Variants in CTTNBP2 observed in about 807,000 individuals in gnomAD.
CTTNBP2 encodes cortactin binding protein 2.
CTTNBP2 carries 108 observed loss-of-function variants against 156.9 expected under a neutral mutation model. The observed-to-expected ratio is 0.69, with a 90% CI of 0.59 to 0.81. The LOEUF is 0.81. Ranked by LOEUF, CTTNBP2 falls within the 30% of genes least tolerant of loss-of-function variation. CTTNBP2 has a pLI of 0.00. For synonymous variants in CTTNBP2, 767 were observed against 751.8 expected (o/e 1.02, Z -0.33); for missense variants, 1,924 against 2,035.4 (o/e 0.95, Z 1.05).
chr7:117,733,922 A>G (rs1795541158), intron 16 of CTTNBP2, among the ~76,000 whole-genome samples: 1 of 152,224 alleles, frequency 6.6e-6, no homozygotes, highest in Non-Finnish European at 1.5e-5. Flanking sequence ...AGTTTTAGTT[A>G]ATGAAACATT....
intron 3 of CTTNBP2, among the ~76,000 whole-genome samples, chr7:117,807,378 A>G (rs1206364867): frequency 6.6e-6 from 1 of 152,248 alleles, no homozygotes; most frequent in Non-Finnish European, 1.5e-5. Context: ...TATATAATGA[A>G]GTAGAGAACA....
chr7:117,739,884 C>T (rs890333607), intron 14 of CTTNBP2, among the ~76,000 whole-genome samples: 3 of 152,176 alleles, frequency 2.0e-5, no homozygotes, highest in African/African-American at 7.2e-5. Flanking sequence ...AACAGCAACC[C>T]TATCCTCATT....
intron 22 of CTTNBP2, among the ~76,000 whole-genome samples, chr7:117,715,579 CATTT>C (rs1794307334): frequency 1.3e-5 from 2 of 150,224 alleles, no homozygotes; most frequent in African/African-American, 4.9e-5. Context: ...AAAAGGAAAA[CATTT>C]ATTAACATTT....
intron 12 of CTTNBP2, among the ~76,000 whole-genome samples, chr7:117,747,187 C>T (rs1481105887): frequency 6.6e-6 from 1 of 152,190 alleles, no homozygotes; most frequent in Non-Finnish European, 1.5e-5. Context: ...GCCACCCAGA[C>T]TTAGAGAAGT....
At chr7:117,758,097 A>G in intron 10 of CTTNBP2, 127 bp from the exon 11 acceptor site, 1 of 666,626 alleles carries the variant, frequency 1.5e-6, no homozygotes, top group Non-Finnish European at 2.5e-6. Context: ...AAAGGCATGT[A>G]CGGAACACAT....
intron 8 of CTTNBP2, among the ~76,000 whole-genome samples, chr7:117,768,918 T>C (rs1471872687): frequency 6.6e-6 from 1 of 152,232 alleles, no homozygotes; most frequent in African/African-American, 2.4e-5. Context: ...ATGATTACTA[T>C]GTGGGATTCC....
chr7:117,804,014 G>C (rs1315626637), intron 3 of CTTNBP2, among the ~76,000 whole-genome samples: 1 of 152,140 alleles, frequency 6.6e-6, no homozygotes, highest in Admixed American at 6.6e-5. Context: ...CCAGGCCAGA[G>C]TGTAGTGGGG....
At chr7:117,760,150 T>C in intron 10 of CTTNBP2, 3 of 439,580 alleles carry the variant, frequency 6.8e-6, no homozygotes, top group Non-Finnish European at 1.2e-5. Flanking sequence ...GGGTGTTTAG[T>C]TTCTTGCATT....
intron 2 of CTTNBP2, among the ~76,000 whole-genome samples, chr7:117,840,361 A>G (rs1173189312): frequency 6.6e-6 from 1 of 152,076 alleles, no homozygotes; most frequent in Non-Finnish European, 1.5e-5. Flanking sequence ...AGAATCTTAA[A>G]AAAAAAAAAA....
chr7:117,810,151 G>A (rs1800183694), intron 3 of CTTNBP2, among the ~76,000 whole-genome samples: 3 of 152,128 alleles, frequency 2.0e-5, no homozygotes, highest in Admixed American at 2.0e-4. Flanking sequence ...TGGTTTAAAT[G>A]AAACACATGT....
chr7:117,842,075 C>A (rs993321020), intron 2 of CTTNBP2, among the ~76,000 whole-genome samples: 2 of 152,138 alleles, frequency 1.3e-5, no homozygotes, highest in Admixed American at 1.3e-4. Context: ...ACCACACTAA[C>A]TACTAACCAC....
chr7:117,726,816 A>T (rs1795119755), intron 17 of CTTNBP2, among the ~76,000 whole-genome samples: 1 of 152,080 alleles, frequency 6.6e-6, no homozygotes, highest in African/African-American at 2.4e-5. Context: ...GGATAAAGGG[A>T]ATCTATGTAA....
chr7:117,801,597 T>C (rs1799606466), intron 3 of CTTNBP2, among the ~76,000 whole-genome samples: 1 of 152,210 alleles, frequency 6.6e-6, no homozygotes, highest in South Asian at 2.1e-4. Flanking sequence ...ATTTCCTCAT[T>C]TTAAAAAACT....
intron 8 of CTTNBP2, among the ~76,000 whole-genome samples, chr7:117,768,677 C>T (rs867048189): frequency 2.0e-5 from 3 of 151,880 alleles, no homozygotes; most frequent in South Asian, 4.1e-4. Context: ...AGGAGCACTT[C>T]GGAAGCCCCT....
chr7:117,739,405 C>A (rs1364524055), intron 14 of CTTNBP2, among the ~76,000 whole-genome samples: 3 of 152,162 alleles, frequency 2.0e-5, no homozygotes, highest in South Asian at 4.1e-4. Flanking sequence ...CTCTGTGCCA[C>A]TTCAAAACGC....
At chr7:117,749,763 C>T (rs997557059) in intron 12 of CTTNBP2, among the ~76,000 whole-genome samples, 1 of 151,760 alleles carries the variant, frequency 6.6e-6, no homozygotes, top group African/African-American at 2.4e-5. Flanking sequence ...ATATTTCCTA[C>T]CTAATTTCAG....
At chr7:117,780,633 G>A in intron 6 of CTTNBP2, 42 bp from the exon 7 acceptor site, 1 of 1,335,040 alleles carries the variant, frequency 7.5e-7, no homozygotes. Context: ...ACCTGGGTTT[G>A]ACCTTTGAAG....
At chr7:117,741,826 C>A (rs1237645487) in intron 14 of CTTNBP2, among the ~76,000 whole-genome samples, 1 of 152,248 alleles carries the variant, frequency 6.6e-6, no homozygotes, top group Middle Eastern at 3.2e-3. Flanking sequence ...GCAAGTTCTA[C>A]TTGCTGCCAC....
intron 14 of CTTNBP2, among the ~76,000 whole-genome samples, chr7:117,737,535 G>A (rs1430926396): frequency 6.6e-6 from 1 of 152,110 alleles, no homozygotes; most frequent in East Asian, 1.9e-4. Context: ...GAGTGCTATG[G>A]CATGCCAGAA....
Sources: allele counts gnomAD v4.1 joint callset (sites outside exome capture counted in the v4.1 genomes callset), GRCh38; gene constraint gnomAD v4.1.1; transcripts MANE v1.5; gene names NCBI Gene and HGNC (gene_info 2026-07-23, HGNC 2026-07-21).